Variants in SPI1 observed in about 807,000 individuals in gnomAD.
SPI1 encodes transcription factor PU.1.
In SPI1, 3 loss-of-function variants were observed where a neutral mutation model predicts 30.7. The ratio of observed to expected loss-of-function variants is 0.10; its 90% CI spans 0.04 to 0.25. The LOEUF is 0.25. Ranked by LOEUF, SPI1 falls within the 10% of genes least tolerant of loss-of-function variation. The pLI, the probability that SPI1 is intolerant of heterozygous loss-of-function variation, is 1.00. For synonymous variants in SPI1, 169 were observed against 157.1 expected, an observed-to-expected ratio of 1.08 and a Z score of -0.56; for missense variants, 261 against 371.5, an observed-to-expected ratio of 0.70 and a Z score of 2.45.
chr11:47,354,963 T>C lies in SPI1; in HGVS notation c.*264A>G. ...TACGGACTTGAGACTCCCAAGGCAGTACCCCGGGTCGTCCTCTGCAAGGTT... is the reference window on the plus strand; with the variant it reads ...TACGGACTTGAGACTCCCAAGGCAGCACCCCGGGTCGTCCTCTGCAAGGTT... On this transcript the variant is annotated 3_prime_UTR_variant, in exon 5 of 5. Transcript: ENST00000378538. 3.1e-6 allele frequency: 1 copy of C among 319,132 alleles called. No individual in the cohort carries two copies. Among genetic ancestry groups the C allele is most frequent in the Non-Finnish European group, 5.7e-6 (1 of 175,236 alleles). The allele number at this position is 319,132 out of a possible 1,614,324, so 19.8% of individuals were successfully genotyped here.
chr11:47,368,413 G>T (rs2095931391), intron 2 of SPI1, among the ~76,000 whole-genome samples: 1 of 152,042 alleles, frequency 6.6e-6, no homozygotes, highest in South Asian at 2.1e-4. Context: ...CCTACTTCTG[G>T]GTATATATCC....
At chr11:47,355,614 G>A (rs1267914318) in intron 4 of SPI1, 68 bp from the exon 5 acceptor site, 3 of 1,363,422 alleles carry the variant, frequency 2.2e-6, no homozygotes, top group Admixed American at 2.6e-5. Flanking sequence ...ACCGCCTTGC[G>A]TACGCACAGG....
chr11:47,369,734 T>C (rs142799583), intron 2 of SPI1, among the ~76,000 whole-genome samples: 233 of 152,338 alleles, frequency 1.5e-3, no homozygotes, highest in South Asian at 3.7e-3. Context: ...TAGATTTCCA[T>C]ACACAGCCAA....
At chr11:47,376,962 G>A (rs920677424) in intron 1 of SPI1, among the ~76,000 whole-genome samples, 2 of 152,180 alleles carry the variant, frequency 1.3e-5, no homozygotes, top group African/African-American at 4.8e-5. Flanking sequence ...AGAGGTCAGG[G>A]ATCAGAGACA....
chr11:47,371,607 C>T (rs1204602564), intron 2 of SPI1, among the ~76,000 whole-genome samples: 2 of 148,268 alleles, frequency 1.3e-5, no homozygotes, highest in African/African-American at 5.0e-5. Context: ...CCAGAGGTTG[C>T]AGTGAGCCAA....
chr11:47,376,397 T>G (rs897020993), intron 1 of SPI1, among the ~76,000 whole-genome samples: 3 of 151,904 alleles, frequency 2.0e-5, no homozygotes, highest in Non-Finnish European at 4.4e-5. Context: ...CCTATGCCTC[T>G]CACACAGCCT....
chr11:47,359,378 G>A lies in SPI1; in HGVS notation c.331-372C>T, dbSNP rs1474008648. ...ACCGGTGCGTTGGGTCTGGAAGGGGGTTTCATAGGTGGGATGATGAGTGAG... is the reference window on the plus strand; with the variant it reads ...ACCGGTGCGTTGGGTCTGGAAGGGGATTTCATAGGTGGGATGATGAGTGAG... On this transcript the variant is annotated intron_variant, in intron 3 of 4. Transcript: ENST00000378538. This position sits in a 1 kb window ranked among gnomAD's most constrained non-coding sequence, Gnocchi z 5.1. Among the ~76,000 whole-genome samples the A allele has an allele frequency of 6.6e-6, 1 of 152,132 alleles. No homozygotes were observed. Among genetic ancestry groups the A allele is most frequent in the Non-Finnish European group, 1.5e-5 (1 of 68,008 alleles).
At chr11:47,378,234 C>G in intron 1 of SPI1, 75 bp downstream of exon 1, 3 of 1,497,650 alleles carry the variant, frequency 2.0e-6, no homozygotes, top group Non-Finnish European at 2.8e-6. Flanking sequence ...AGTGGGTGGG[C>G]TGGCGGGTTC....
At chr11:47,368,523 A>ACGCAAAACGTGGCACATG (rs1325038228) in intron 2 of SPI1, among the ~76,000 whole-genome samples, 4 of 152,256 alleles carry the variant, frequency 2.6e-5, no homozygotes, top group Non-Finnish European at 2.9e-5. Flanking sequence ...ACGGCTGGAT[A>ACGCAAAACGTGGCACATG]CGCAAAACGT....
Position 47,363,963 on chromosome 11 carries a change from CAA to C in SPI1, c.143-3925_143-3924del, listed in dbSNP as rs1161379136. Among the ~76,000 whole-genome samples the C allele has an allele frequency of 5.8e-3, 343 of 58,922 alleles. 4 individuals carry two copies. Among genetic ancestry groups the C allele is most frequent in the African/African-American group, 0.02 (291 of 14,550 alleles). 38.7% of individuals were successfully genotyped at this position (58,922 alleles called of 152,430 possible). A position where few individuals can be genotyped will look rare whatever the true frequency, so the allele number is the denominator to read the frequency against. On this transcript the variant is annotated intron_variant, in intron 2 of 4. Coordinates refer to ENST00000378538, the MANE Select transcript of SPI1 (RefSeq NM_003120.3). ...GGGCAATAGAGCCAGACTCGGTCTC[CAA>C]AAAAAAAAAAAAAAAAAAAAGCCTC...
chr11:47,358,539 C>T (rs566667791), intron 4 of SPI1: 119 of 690,558 alleles, frequency 1.7e-4, no homozygotes, highest in African/African-American at 1.1e-3. Flanking sequence ...TGCACCTGCC[C>T]GTACCTGTGC....
chr11:47,369,560 G>GGA, intron 2 of SPI1, among the ~76,000 whole-genome samples: 1 of 137,568 alleles, frequency 7.3e-6, no homozygotes, highest in African/African-American at 2.7e-5. Context: ...GAGAGAGAGA[G>GGA]AAAAAAAAAA....
intron 2 of SPI1, among the ~76,000 whole-genome samples, chr11:47,372,335 C>G (rs1424933576): frequency 6.6e-6 from 1 of 151,626 alleles, no homozygotes; most frequent in Non-Finnish European, 1.5e-5. Flanking sequence ...CGTGATCCAC[C>G]CACCTCAGCC....
intron 2 of SPI1, among the ~76,000 whole-genome samples, chr11:47,368,380 G>T (rs1262396225): frequency 1.3e-5 from 2 of 151,992 alleles, no homozygotes; most frequent in Non-Finnish European, 2.9e-5. Flanking sequence ...AATAAAAATA[G>T]AATTAGCATA....
chr11:47,359,457 T>G lies in SPI1; in HGVS notation c.330+396A>C, dbSNP rs2095917356. Among the ~76,000 whole-genome samples, 1 of 151,842 alleles carries G rather than the reference T, an allele frequency of 6.6e-6. No individual in the cohort carries two copies. The highest frequency in any genetic ancestry group is 1.5e-5 in the Non-Finnish European group (1 of 67,934). On this transcript the variant is annotated intron_variant, in intron 3 of 4. Transcript: ENST00000378538. The surrounding 1 kb of genome is among the most constrained non-coding windows in gnomAD (Gnocchi z 5.1). ...GGTAGAGGTCAGCAGAGGTCACTGA[T>G]CCGGGTTAGGGTCAGTAGGGAGGGT...
chr11:47,356,651 A>G (rs1208120920), intron 4 of SPI1, among the ~76,000 whole-genome samples: 1 of 151,492 alleles, frequency 6.6e-6, no homozygotes, highest in Admixed American at 6.6e-5. Flanking sequence ...ACCTGCTTAC[A>G]CATCTTACAC....
At chr11:47,363,453 G>A (rs558906541) in intron 2 of SPI1, among the ~76,000 whole-genome samples, 16 of 152,010 alleles carry the variant, frequency 1.1e-4, no homozygotes, top group East Asian at 3.9e-4. Context: ...CCTGGGAGGC[G>A]GAGGTTGCAG....
Position 47,378,371 on chromosome 11 carries a change from C to A in SPI1, c.-18G>T. ...TGTAACATCCAGCCGGGCTCCGAGT[C>A]GGTCAGATCCCCTGCCTCGGTGGGG... On this transcript the variant is annotated 5_prime_UTR_variant, in exon 1 of 5. Transcript: ENST00000378538. 2 of 1,610,400 alleles carry A rather than the reference C, an allele frequency of 1.2e-6. No individual in the cohort carries two copies. The highest frequency in any genetic ancestry group is 1.7e-6 in the Non-Finnish European group (2 of 1,178,456).
At chr11:47,360,989 C>T (rs1198958371) in intron 2 of SPI1, among the ~76,000 whole-genome samples, 1 of 141,746 alleles carries the variant, frequency 7.1e-6, no homozygotes. Flanking sequence ...GGCGTGGTGG[C>T]GGGTGCCTGT....
Sources: gnomAD v4.1 joint callset for allele counts (sites outside exome capture counted in the v4.1 genomes callset) on GRCh38, gnomAD v4.1.1 for gene constraint, Gnocchi (gnomAD v3.1) non-coding constraint, MANE v1.5 for transcripts, NCBI Gene and HGNC (gene_info 2026-07-23, HGNC 2026-07-21) for gene names.